CAMK4: variants seen among roughly 807,000 people sequenced by gnomAD.
CAMK4 encodes calcium/calmodulin-dependent protein kinase type IV.
CAMK4 carries 22 observed loss-of-function variants against 44.9 expected under a neutral mutation model. That is an observed-to-expected ratio of 0.49 (90% confidence interval 0.35 to 0.70). The LOEUF (loss-of-function observed/expected upper bound fraction) is 0.70, where lower values mean the gene tolerates loss of function less well. Among genes scored for constraint, CAMK4 ranks in the 30% least tolerant of loss-of-function variants. The pLI, the probability that CAMK4 is intolerant of heterozygous loss-of-function variation, is 0.01. For synonymous variants in CAMK4, 218 were observed against 215.4 expected, an observed-to-expected ratio of 1.01 and a Z score of -0.11; for missense variants, 498 against 586.8, an observed-to-expected ratio of 0.85 and a Z score of 1.56.
rs192743163 is a variant in CAMK4 at position 111,482,892 on chromosome 5, C to T, written c.936C>T (p.Thr312=). 1.6e-5 allele frequency: 26 copies of T among 1,612,322 alleles called. No homozygotes were observed. The highest frequency in any genetic ancestry group is 1.3e-4 in the African/African-American group (10 of 74,922). The part of the protein sequence containing the change: ...GKAANFVHMD[T]AQKKLQEFNA... Reference sequence around the variant, plus strand: ...CAGCCAATTTTGTACACATGGATACCGCTCAAAAGAAGCTCCAAGAATTCA... The same window carrying T: ...CAGCCAATTTTGTACACATGGATACTGCTCAAAAGAAGCTCCAAGAATTCA... Residue 312 remains threonine, a synonymous_variant, in exon 10 of 11, where the codon ACC becomes ACT. Coordinates refer to ENST00000282356, the MANE Select transcript of CAMK4 (RefSeq NM_001744.6). This position sits in a 1 kb window ranked among gnomAD's most constrained non-coding sequence, Gnocchi z 4.9.
chr5:111,240,249 A>C (rs144355707), intron 1 of CAMK4, among the ~76,000 whole-genome samples: 6 of 152,206 alleles, frequency 3.9e-5, no homozygotes, highest in South Asian at 2.1e-4. Flanking sequence ...CCAAACCCAG[A>C]ATCACTGCAA....
chr5:111,360,708 G>A (rs931877638), intron 2 of CAMK4, among the ~76,000 whole-genome samples: 6 of 152,052 alleles, frequency 3.9e-5, no homozygotes, highest in African/African-American at 1.4e-4. Flanking sequence ...ACCACTGTAT[G>A]GAGAAAGATG....
At chr5:111,476,920 T>G (rs1755265963) in intron 8 of CAMK4, among the ~76,000 whole-genome samples, 1 of 152,214 alleles carries the variant, frequency 6.6e-6, no homozygotes. Context: ...AAAAGGCATT[T>G]GAGCACTATA....
chr5:111,262,042 G>A (rs10040249), intron 1 of CAMK4, among the ~76,000 whole-genome samples: 39,899 of 151,688 alleles, frequency 0.26, 6,230 homozygotes, highest in African/African-American at 0.44. Context: ...CCTTGTGTTC[G>A]TTCACTAGCA....
At chr5:111,425,834 C>T (rs1753206133) in intron 5 of CAMK4, among the ~76,000 whole-genome samples, 1 of 152,068 alleles carries the variant, frequency 6.6e-6, no homozygotes, top group South Asian at 2.1e-4. Flanking sequence ...TACCTTAATA[C>T]CATATCACCT....
At chr5:111,264,878 C>T (rs1750163487) in intron 1 of CAMK4, among the ~76,000 whole-genome samples, 2 of 152,124 alleles carry the variant, frequency 1.3e-5, no homozygotes, top group East Asian at 1.9e-4. Flanking sequence ...TAGCAATCTG[C>T]TGATTGACAT....
chr5:111,324,251 A>G lies in CAMK4; in HGVS notation c.162-19773A>G, dbSNP rs567920183. Among the ~76,000 whole-genome samples the G allele has an allele frequency of 4.6e-5, 7 of 152,076 alleles. No homozygotes were observed. The South Asian group carries it at 1.2e-3, about 27-fold the overall frequency. On this transcript the variant is annotated intron_variant, in intron 1 of 10. Transcript: ENST00000282356. The stretch of plus-strand genomic sequence containing the variant: ...AAATATAAATGAACTAAATACTCCA[A>G]TTCAAAGGCAGAGATTGATACATTG...
chr5:111,467,236 A>G (rs986097462), intron 7 of CAMK4, among the ~76,000 whole-genome samples: 6 of 152,142 alleles, frequency 3.9e-5, no homozygotes, highest in African/African-American at 1.2e-4. Flanking sequence ...TAAAAATTAT[A>G]GAAGATAAAT....
chr5:111,240,127 A>G (rs1748920549), intron 1 of CAMK4, among the ~76,000 whole-genome samples: 3 of 152,134 alleles, frequency 2.0e-5, no homozygotes, highest in Non-Finnish European at 4.4e-5. Flanking sequence ...AGGGTGTTAG[A>G]AAATATTAAT....
intron 7 of CAMK4, among the ~76,000 whole-genome samples, chr5:111,455,588 C>T (rs1754386879): frequency 1.3e-5 from 2 of 152,196 alleles, no homozygotes; most frequent in African/African-American, 4.8e-5. Context: ...TAACAAAAGT[C>T]AGTGTCACCA....
intron 5 of CAMK4, among the ~76,000 whole-genome samples, chr5:111,436,238 C>T (rs1753640840): frequency 2.0e-5 from 3 of 152,132 alleles, no homozygotes; most frequent in Non-Finnish European, 2.9e-5. Flanking sequence ...CTTAGAAATA[C>T]GTACTTAATA....
intron 7 of CAMK4, among the ~76,000 whole-genome samples, chr5:111,464,146 T>C (rs904511146): frequency 9.9e-5 from 15 of 151,224 alleles, no homozygotes; most frequent in Non-Finnish European, 4.4e-5. Flanking sequence ...AAAAAAACAA[T>C]CACAACTTCT....
chr5:111,343,898 T>A (rs1197094921), intron 1 of CAMK4, 126 bp from the exon 2 acceptor site: 11 of 619,944 alleles, frequency 1.8e-5, no homozygotes, highest in Non-Finnish European at 2.9e-5. Context: ...GCTGGTCCTA[T>A]AATAGAACTT....
At chr5:111,419,105 T>C (rs1408942941) in intron 5 of CAMK4, among the ~76,000 whole-genome samples, 1 of 152,156 alleles carries the variant, frequency 6.6e-6, no homozygotes, top group Non-Finnish European at 1.5e-5. Flanking sequence ...CCAGCACCTG[T>C]TGTTTCCTGA....
intron 2 of CAMK4, among the ~76,000 whole-genome samples, chr5:111,369,684 T>G (rs1055502562): frequency 5.9e-5 from 9 of 152,116 alleles, no homozygotes; most frequent in African/African-American, 1.7e-4. Context: ...GGGAGATTGG[T>G]TCCAAGACCC....
At chr5:111,427,001 G>A (rs1222148083) in intron 5 of CAMK4, among the ~76,000 whole-genome samples, 2 of 152,158 alleles carry the variant, frequency 1.3e-5, no homozygotes, top group South Asian at 2.1e-4. Context: ...GAGGGCAGGT[G>A]ACATATTGAG....
At chr5:111,418,810 T>C (rs1401821965) in intron 5 of CAMK4, among the ~76,000 whole-genome samples, 1 of 152,174 alleles carries the variant, frequency 6.6e-6, no homozygotes, top group East Asian at 1.9e-4. Flanking sequence ...CCATGGAGTA[T>C]ATGGGCCACA....
At chr5:111,445,587 C>A in intron 5 of CAMK4, among the ~76,000 whole-genome samples, 1 of 152,080 alleles carries the variant, frequency 6.6e-6, no homozygotes, top group Non-Finnish European at 1.5e-5. Context: ...GCACCACCAT[C>A]CCTGGCTTTT....
At chr5:111,259,093 A>G (rs904945983) in intron 1 of CAMK4, among the ~76,000 whole-genome samples, 11 of 152,158 alleles carry the variant, frequency 7.2e-5, no homozygotes, top group Admixed American at 5.9e-4. Flanking sequence ...CCTTCTCCCA[A>G]TGAAATAAAA....
Sources: gnomAD v4.1 joint callset for allele counts (sites outside exome capture counted in the v4.1 genomes callset) on GRCh38, gnomAD v4.1.1 for gene constraint, Gnocchi (gnomAD v3.1) non-coding constraint, MANE v1.5 for transcripts, NCBI Gene and HGNC (gene_info 2026-07-23, HGNC 2026-07-21) for gene names.